The following PTPRC variants were observed in gnomAD, a reference collection of about 807,000 sequenced individuals.
PTPRC encodes receptor-type tyrosine-protein phosphatase C.
A neutral mutation model predicts 155.9 loss-of-function variants in PTPRC; 44 were observed. The ratio of observed to expected loss-of-function variants is 0.28; its 90% CI spans 0.22 to 0.36. The LOEUF (loss-of-function observed/expected upper bound fraction) is 0.36. Ranked by LOEUF, PTPRC falls within the 10% of genes least tolerant of loss-of-function variation. The pLI is 1.00. For missense variants in PTPRC, 1,401 were observed against 1,564.6 expected, an observed-to-expected ratio of 0.90 and a Z score of 1.76; for synonymous variants, 525 against 533.1, an observed-to-expected ratio of 0.98 and a Z score of 0.21.
At chr1:198,704,420 A>G in intron 7 of PTPRC, 52 bp from the exon 8 acceptor site, 4 of 1,612,494 alleles carry the variant, frequency 2.5e-6, no homozygotes. Context: ...ATGACATGGC[A>G]GATATTCTAA....
intron 2 of PTPRC, among the ~76,000 whole-genome samples, chr1:198,644,456 G>T (rs986707201): frequency 6.6e-6 from 1 of 151,686 alleles, no homozygotes; most frequent in Admixed American, 6.6e-5. Flanking sequence ...TGTGTACCTG[G>T]CTCTAACCAA....
At chr1:198,655,693 G>T (rs904234150) in intron 2 of PTPRC, among the ~76,000 whole-genome samples, 1 of 151,922 alleles carries the variant, frequency 6.6e-6, no homozygotes, top group African/African-American at 2.4e-5. Context: ...CAATCTAGTT[G>T]GAGAACTGAG....
At chr1:198,662,027 C>T (rs980541176) in intron 2 of PTPRC, among the ~76,000 whole-genome samples, 4 of 152,136 alleles carry the variant, frequency 2.6e-5, no homozygotes, top group Admixed American at 6.5e-5. Context: ...GTCTTCCAAA[C>T]GATGGTGATT....
chr1:198,706,619 T>C (rs1277723765), intron 8 of PTPRC, 115 bp from the exon 9 acceptor site: 3 of 1,187,518 alleles, frequency 2.5e-6, no homozygotes, highest in African/African-American at 1.5e-5. Flanking sequence ...ATGTGTTTTT[T>C]CTTTTTCATG....
At chr1:198,729,285 A>T (rs1229431448) in intron 17 of PTPRC, 114 bp downstream of exon 17, 25 of 1,274,350 alleles carry the variant, frequency 2.0e-5, no homozygotes, top group Non-Finnish European at 1.9e-5. Context: ...TCTGTCTCCC[A>T]GGCTGAAGTG....
chr1:198,743,067 C>CAAAAAA (rs10628640), intron 25 of PTPRC, among the ~76,000 whole-genome samples: 22 of 75,934 alleles, frequency 2.9e-4, no homozygotes, highest in Admixed American at 4.6e-4. Context: ...GTCAAAATAG[C>CAAAAAA]AAAAAAAAAA....
At chr1:198,710,238 A>T (rs887914304) in intron 11 of PTPRC, among the ~76,000 whole-genome samples, 3 of 152,220 alleles carry the variant, frequency 2.0e-5, no homozygotes, top group African/African-American at 7.2e-5. Context: ...TGCCATTCTT[A>T]TCAAAAATTA....
Position 198,749,624 on chromosome 1 carries a change from A to G in PTPRC, c.3072+75A>G, listed in dbSNP as rs1655291138. On this transcript the variant is annotated intron_variant, in intron 28 of 32. Transcript: ENST00000442510. ...ATCTATGTTATTAGGGCCATTCATTAAGCGATTTTATAAAAGAATAATGAG... is the reference window on the plus strand; with the variant it reads ...ATCTATGTTATTAGGGCCATTCATTGAGCGATTTTATAAAAGAATAATGAG... The G allele has an allele frequency of 3.6e-5, 52 of 1,434,202 alleles. No homozygotes were observed. The South Asian group carries it at 6.1e-4, about 17-fold the overall frequency. The allele number at this position is 1,434,202 out of a possible 1,614,324, so 88.8% of individuals were successfully genotyped here. A position where few individuals can be genotyped will look rare whatever the true frequency, so the allele number is the denominator to read the frequency against.
intron 9 of PTPRC, 56 bp downstream of exon 9, chr1:198,707,008 G>T (rs945978546): frequency 1.4e-6 from 2 of 1,420,134 alleles, no homozygotes; most frequent in Non-Finnish European, 2.0e-6. Flanking sequence ...ACTTTTGTGT[G>T]TGGTGTTCTC....
intron 2 of PTPRC, among the ~76,000 whole-genome samples, chr1:198,664,313 T>G (rs1302431745): frequency 6.6e-6 from 1 of 152,156 alleles, no homozygotes; most frequent in Non-Finnish European, 1.5e-5. Flanking sequence ...TTTGTCATAA[T>G]TGCAAACTGT....
chr1:198,696,944 G>A lies in PTPRC; in HGVS notation c.298+35G>A, dbSNP rs761533326. 13 of 1,545,654 alleles carry A rather than the reference G, an allele frequency of 8.4e-6. No homozygotes were observed. The Admixed American group carries it at 1.3e-4, about 16-fold the overall frequency. On this transcript the variant is annotated intron_variant, in intron 4 of 32. Transcript: ENST00000442510. Reference sequence around the variant, plus strand: ...CAAAAGTTGTTAACTTAAATATCAGGGAATGTCATTTAGAAAATTCTACAG... The same window carrying A: ...CAAAAGTTGTTAACTTAAATATCAGAGAATGTCATTTAGAAAATTCTACAG...
At chr1:198,643,731 A>G (rs1662774716) in intron 2 of PTPRC, among the ~76,000 whole-genome samples, 1 of 151,938 alleles carries the variant, frequency 6.6e-6, no homozygotes. Flanking sequence ...TCAGATACAC[A>G]TACCCATAGG....
rs1250308154 is a variant in PTPRC, at chr1:198,696,880, T to G, written c.269T>G (p.Leu90Trp). The G allele has an allele frequency of 6.2e-7, 1 of 1,614,056 alleles. No individual in the cohort carries two copies. The highest frequency in any genetic ancestry group is 1.7e-5 in the Admixed American group (1 of 60,026). The change falls in exon 4 of 33, where the codon TTG becomes TGG. Residue 90 changes from leucine (L) to tryptophan (W), a missense_variant. Around this residue, in one of 3 missense-constraint regions of PTPRC, gnomAD observed 867 missense variants for 970.4 expected, o/e 0.89. Coordinates refer to ENST00000442510, the MANE Select transcript of PTPRC (RefSeq NM_002838.5). ...NTSTQVSPDSLDNASAFNTTG... is the reference protein window; with the variant it reads ...NTSTQVSPDSWDNASAFNTTG... ...TCCACCCAAGTATCCCCGGACTCTT[T>G]GGATAATGCTAGTGCTTTTAATACC... is the stretch of plus-strand genomic sequence containing the variant.
At chr1:198,753,164 C>T (rs927992094) in intron 31 of PTPRC, among the ~76,000 whole-genome samples, 6 of 151,892 alleles carry the variant, frequency 4.0e-5, no homozygotes, top group African/African-American at 1.4e-4. Flanking sequence ...GTCACAAAGA[C>T]ACCTAATATG....
At chr1:198,673,745 A>G (rs1328282578) in intron 2 of PTPRC, among the ~76,000 whole-genome samples, 1 of 152,224 alleles carries the variant, frequency 6.6e-6, no homozygotes, top group Non-Finnish European at 1.5e-5. Flanking sequence ...AATAATGATT[A>G]AAGAATCATA....
chr1:198,700,848 C>A (rs1002703755), intron 5 of PTPRC, among the ~76,000 whole-genome samples: 4 of 152,040 alleles, frequency 2.6e-5, no homozygotes, highest in Admixed American at 1.3e-4. Flanking sequence ...ACCTACATAA[C>A]AAGGGAAACG....
intron 23 of PTPRC, among the ~76,000 whole-genome samples, chr1:198,736,157 T>G (rs1654628486): frequency 6.6e-6 from 1 of 151,534 alleles, no homozygotes; most frequent in African/African-American, 2.4e-5. Flanking sequence ...GCATCCATCA[T>G]CCCAAGCATT....
intron 25 of PTPRC, among the ~76,000 whole-genome samples, chr1:198,743,603 G>T (rs1249719462): frequency 6.6e-6 from 1 of 151,720 alleles, no homozygotes; most frequent in East Asian, 1.9e-4. Flanking sequence ...CTTATTAAAA[G>T]AATACTTTTC....
chr1:198,713,202 G>T, intron 12 of PTPRC, 130 bp downstream of exon 12: 2 of 1,306,724 alleles, frequency 1.5e-6, no homozygotes. Context: ...TATACTCCCT[G>T]ATCTTAGAAT....
Sources: gnomAD v4.1 joint callset for allele counts (sites outside exome capture counted in the v4.1 genomes callset) on GRCh38, gnomAD v4.1.1 for gene constraint, gnomAD v4.1.1 regional missense constraint, MANE v1.5 for transcripts, NCBI Gene and HGNC (gene_info 2026-07-23, HGNC 2026-07-21) for gene names.